The following ALCAM variants were observed in gnomAD, a reference collection of about 807,000 sequenced individuals.
ALCAM encodes the protein CD166 antigen.
Under a neutral mutation model 70.9 loss-of-function variants are expected in ALCAM, and 30 were observed. The observed-to-expected ratio is 0.42, with a 90% CI of 0.32 to 0.57. The LOEUF (loss-of-function observed/expected upper bound fraction) is 0.57, where lower values mean the gene tolerates loss of function less well. Among genes scored for constraint, ALCAM ranks in the 20% least tolerant of loss-of-function variants. The probability of loss-of-function intolerance (pLI) is 0.11; values close to 1 mark genes in which losing one functional copy is unlikely to be tolerated. For synonymous variants in ALCAM, 249 were observed against 242.5 expected, an observed-to-expected ratio of 1.03 and a Z score of -0.25; for missense variants, 591 against 695.1, an observed-to-expected ratio of 0.85 and a Z score of 1.68.
chr3:105,367,534 C>G (rs1378720216), intron 1 of ALCAM, 53 bp downstream of exon 1: 2 of 1,601,100 alleles, frequency 1.2e-6, no homozygotes, highest in Non-Finnish European at 1.7e-6. Flanking sequence ...GGAGCAGTTT[C>G]CTAGGTCCCC....
intron 1 of ALCAM, among the ~76,000 whole-genome samples, chr3:105,437,910 A>C (rs1937087232): frequency 6.6e-6 from 1 of 152,154 alleles, no homozygotes; most frequent in Admixed American, 6.5e-5. Context: ...GTATATTTTT[A>C]TCAATCTTAA....
intron 1 of ALCAM, among the ~76,000 whole-genome samples, chr3:105,500,716 T>A (rs572342529): frequency 6.6e-6 from 1 of 152,374 alleles, no homozygotes; most frequent in African/African-American, 2.4e-5. Flanking sequence ...TTCAACACTT[T>A]AAATTCTCTG....
intron 6 of ALCAM, among the ~76,000 whole-genome samples, chr3:105,535,145 A>G (rs2152627656): frequency 6.6e-6 from 1 of 152,320 alleles, no homozygotes; most frequent in African/African-American, 2.4e-5. Context: ...TGAATGACAG[A>G]CAAATATAGA....
chr3:105,569,946 A>G (rs1211150620), intron 14 of ALCAM, among the ~76,000 whole-genome samples: 2 of 152,166 alleles, frequency 1.3e-5, no homozygotes, highest in East Asian at 3.8e-4. Context: ...CCAAAGGTAG[A>G]CCAAATTTTA....
intron 3 of ALCAM, among the ~76,000 whole-genome samples, chr3:105,527,400 C>A (rs1939732830): frequency 6.6e-6 from 1 of 152,030 alleles, no homozygotes; most frequent in Non-Finnish European, 1.5e-5. Flanking sequence ...GTCACCTCAC[C>A]AGTCTGGGGC....
chr3:105,427,283 C>A (rs1213232270), intron 1 of ALCAM, among the ~76,000 whole-genome samples: 1 of 151,930 alleles, frequency 6.6e-6, no homozygotes, highest in African/African-American at 2.4e-5. Flanking sequence ...TGTGCTCCTT[C>A]TTTACCTGAC....
chr3:105,535,406 C>A (rs949172762), intron 6 of ALCAM, among the ~76,000 whole-genome samples: 3 of 152,066 alleles, frequency 2.0e-5, no homozygotes, highest in African/African-American at 7.2e-5. Flanking sequence ...AGAATAGAAT[C>A]TTTTTCTCCA....
chr3:105,383,060 C>T (rs910359606), intron 1 of ALCAM, among the ~76,000 whole-genome samples: 2 of 151,744 alleles, frequency 1.3e-5, no homozygotes, highest in African/African-American at 2.4e-5. Flanking sequence ...ACGTCTCTGT[C>T]TTATTCAAGA....
At chr3:105,572,263 G>T (rs1360408314) in intron 15 of ALCAM, among the ~76,000 whole-genome samples, 1 of 151,912 alleles carries the variant, frequency 6.6e-6, no homozygotes, top group Non-Finnish European at 1.5e-5. Flanking sequence ...GCCCCATTGT[G>T]TGGTGGTCCC....
At chr3:105,406,445 A>G (rs1936234284) in intron 1 of ALCAM, among the ~76,000 whole-genome samples, 2 of 152,170 alleles carry the variant, frequency 1.3e-5, no homozygotes, top group South Asian at 4.1e-4. Context: ...CTGGCTTTTA[A>G]TATTTAACTT....
intron 8 of ALCAM, among the ~76,000 whole-genome samples, chr3:105,544,011 G>C (rs1940183532): frequency 6.6e-6 from 1 of 151,590 alleles, no homozygotes; most frequent in South Asian, 2.1e-4. Flanking sequence ...CTTTCAGTCT[G>C]ATAGGAGAGA....
At chr3:105,413,504 C>G (rs766131754) in intron 1 of ALCAM, among the ~76,000 whole-genome samples, 1 of 152,102 alleles carries the variant, frequency 6.6e-6, no homozygotes, top group Non-Finnish European at 1.5e-5. Context: ...TGCGCAGACT[C>G]TAGTCAAACA....
At position 105,367,370 on chromosome 3, in the gene ALCAM, G is replaced by A. The variant is rs200118077; in HGVS notation, c.-39G>A. The stretch of plus-strand genomic sequence containing the variant: ...CCGGGACGACGCCCCCTCCTGCGGC[G>A]TGGACTCCGTCAGTGGCCCACCAAG... On this transcript the variant is annotated 5_prime_UTR_variant, in exon 1 of 16. The change creates a new upstream start codon in the 5' untranslated region. Transcript: ENST00000306107. 1.4e-5 allele frequency: 22 copies of A among 1,608,964 alleles called. No homozygotes were observed. The highest frequency in any genetic ancestry group is 1.9e-5 in the Non-Finnish European group (22 of 1,176,568).
intron 1 of ALCAM, among the ~76,000 whole-genome samples, chr3:105,437,319 C>T (rs968439779): frequency 3.9e-5 from 6 of 152,130 alleles, no homozygotes; most frequent in Non-Finnish European, 5.9e-5. Context: ...ATTTTTAAAC[C>T]GATATCATCT....
chr3:105,567,649 G>T (rs1940772041), intron 14 of ALCAM, among the ~76,000 whole-genome samples: 1 of 151,862 alleles, frequency 6.6e-6, no homozygotes, highest in Admixed American at 6.6e-5. Context: ...CACATTTTTT[G>T]CTGCTGATAT....
At chr3:105,501,721 TG>T (rs1280377066) in intron 1 of ALCAM, among the ~76,000 whole-genome samples, 1 of 152,200 alleles carries the variant, frequency 6.6e-6, no homozygotes, top group Non-Finnish European at 1.5e-5. Flanking sequence ...CCTATTTAAA[TG>T]AAACAGTACT....
intron 1 of ALCAM, among the ~76,000 whole-genome samples, chr3:105,480,351 C>A (rs756517182): frequency 1.5e-4 from 23 of 150,230 alleles, no homozygotes; most frequent in Admixed American, 4.0e-4. Context: ...GATGTTGTCT[C>A]AATAAATAAA....
chr3:105,538,859 A>G (rs1195953646), intron 6 of ALCAM, among the ~76,000 whole-genome samples: 2 of 152,192 alleles, frequency 1.3e-5, no homozygotes, highest in East Asian at 3.9e-4. Context: ...GTACTGGACA[A>G]GTATTCAGAG....
intron 1 of ALCAM, among the ~76,000 whole-genome samples, chr3:105,377,482 C>T (rs1259805003): frequency 6.6e-6 from 1 of 152,020 alleles, no homozygotes; most frequent in East Asian, 1.9e-4. Context: ...CTTTCTTAAA[C>T]TCTCTTCATA....
Sources: gnomAD v4.1 joint callset for allele counts (sites outside exome capture counted in the v4.1 genomes callset) on GRCh38, gnomAD v4.1.1 for gene constraint, MANE v1.5 for transcripts, NCBI Gene and HGNC (gene_info 2026-07-23, HGNC 2026-07-21) for gene names.